MAP4: variants seen among roughly 807,000 people sequenced by gnomAD.
The protein encoded by MAP4 is microtubule-associated protein 4.
In MAP4, 76 loss-of-function variants were observed where a neutral mutation model predicts 170.2. The ratio of observed to expected loss-of-function variants is 0.45; its 90% CI spans 0.37 to 0.54. The LOEUF (loss-of-function observed/expected upper bound fraction) is 0.54. Among genes scored for constraint, MAP4 ranks in the 20% least tolerant of loss-of-function variants. The probability of loss-of-function intolerance (pLI) is 0.00; values close to 1 mark genes in which losing one functional copy is unlikely to be tolerated. For synonymous variants in MAP4, 909 were observed against 994.5 expected (o/e 0.91, Z 1.62); for missense variants, 2,506 against 2,748.0 (o/e 0.91, Z 1.97).
At chr3:47,991,825 C>T (rs1243308249) in intron 2 of MAP4, among the ~76,000 whole-genome samples, 4 of 152,028 alleles carry the variant, frequency 2.6e-5, no homozygotes, top group African/African-American at 7.3e-5. Context: ...CCCACCACCA[C>T]GCCCAGCTAA....
intron 1 of MAP4, among the ~76,000 whole-genome samples, chr3:48,047,431 A>C (rs545660258): frequency 6.6e-6 from 1 of 152,212 alleles, no homozygotes; most frequent in South Asian, 2.1e-4. Flanking sequence ...GGGTAGAGCA[A>C]GCAGAGCAAA....
chr3:47,889,294 T>TC (rs746526572), intron 10 of MAP4, among the ~76,000 whole-genome samples: 7 of 152,248 alleles, frequency 4.6e-5, no homozygotes, highest in African/African-American at 7.2e-5. Flanking sequence ...CTTCATATCT[T>TC]TGTTTAATAT....
chr3:47,886,984 T>G (rs1426648138), intron 10 of MAP4, among the ~76,000 whole-genome samples: 21 of 152,250 alleles, frequency 1.4e-4, no homozygotes, highest in Non-Finnish European at 8.8e-5. Context: ...CTACTTTATC[T>G]GCTATCATAG....
At chr3:47,928,826 TAA>T (rs753530332) in intron 3 of MAP4, among the ~76,000 whole-genome samples, 10 of 132,264 alleles carry the variant, frequency 7.6e-5, no homozygotes, top group African/African-American at 8.4e-5. Flanking sequence ...GAGCTGGAAT[TAA>T]AAAAAAAAAA....
At chr3:47,928,685 G>A (rs1043478792) in intron 3 of MAP4, among the ~76,000 whole-genome samples, 1 of 151,800 alleles carries the variant, frequency 6.6e-6, no homozygotes, top group African/African-American at 2.4e-5. Flanking sequence ...TTAGATAGAA[G>A]GAAATAAAGT....
intron 9 of MAP4, among the ~76,000 whole-genome samples, chr3:47,903,723 A>G (rs1483046443): frequency 6.6e-6 from 1 of 152,202 alleles, no homozygotes; most frequent in Admixed American, 6.5e-5. Context: ...AGACTTTGGC[A>G]ATATATTCAC....
chr3:47,983,822 T>C (rs1223796103), intron 2 of MAP4, among the ~76,000 whole-genome samples: 1 of 152,304 alleles, frequency 6.6e-6, no homozygotes, highest in East Asian at 1.9e-4. Context: ...ATCAGCCTCG[T>C]CCACTGAGCT....
chr3:47,879,454 T>C (rs1394730795), intron 10 of MAP4, among the ~76,000 whole-genome samples: 1 of 152,168 alleles, frequency 6.6e-6, no homozygotes, highest in African/African-American at 2.4e-5. Context: ...TACAGATTCA[T>C]AGGAAGTTGC....
rs554946949 is a variant in MAP4 at position 47,915,021 on chromosome 3, G to A, written c.1877-82C>T. 1.2e-3 allele frequency: 1,842 copies of A among 1,555,056 alleles called. 1 individual carries two copies. The highest frequency in any genetic ancestry group is 1.5e-3 in the Non-Finnish European group (1,679 of 1,132,310). On this transcript the variant is annotated intron_variant, in intron 7 of 20. Coordinates refer to ENST00000683076, the MANE Select transcript of MAP4 (RefSeq NM_001385682.1). ...TCCATCTGCCAGAAATTGGATATGG[G>A]ATTAGTTTCTGAGGAGTTCTCCTAC...
intron 3 of MAP4, among the ~76,000 whole-genome samples, chr3:47,934,707 GT>G (rs986222531): frequency 1.3e-5 from 2 of 151,910 alleles, no homozygotes; most frequent in East Asian, 1.9e-4. Flanking sequence ...TTGTTTTTTT[GT>G]TTTTTTCCCC....
At chr3:48,025,173 G>A (rs2100112381) in intron 1 of MAP4, among the ~76,000 whole-genome samples, 1 of 151,860 alleles carries the variant, frequency 6.6e-6, no homozygotes. Context: ...ATAAGATTGT[G>A]GATATCTGAA....
intron 1 of MAP4, among the ~76,000 whole-genome samples, chr3:48,000,732 C>T (rs944518540): frequency 6.6e-6 from 1 of 152,178 alleles, no homozygotes; most frequent in African/African-American, 2.4e-5. Flanking sequence ...AGAATCTCAA[C>T]TAATACACAG....
rs552941107 is a variant in MAP4 at position 47,864,620 on chromosome 3, T to C, written c.6501+2626A>G. Among the ~76,000 whole-genome samples, 6 of 152,272 alleles carry C rather than the reference T, an allele frequency of 3.9e-5. No individual in the cohort carries two copies. The South Asian group carries it at 1.2e-3, about 32-fold the overall frequency. ...TCAATCCGGGAGGCGGAGCTTGCAGTGAGCCGAGATCGCACCACTGCACTC... is the reference window on the plus strand; with the variant it reads ...TCAATCCGGGAGGCGGAGCTTGCAGCGAGCCGAGATCGCACCACTGCACTC... On this transcript the variant is annotated intron_variant, in intron 17 of 20. Transcript: ENST00000683076.
chr3:47,874,858 C>G (rs1007249339), intron 12 of MAP4, among the ~76,000 whole-genome samples: 1 of 150,994 alleles, frequency 6.6e-6, no homozygotes, highest in African/African-American at 2.5e-5. Flanking sequence ...AAATTAAAAA[C>G]TGACATTTTA....
intron 3 of MAP4, among the ~76,000 whole-genome samples, chr3:47,956,114 C>T (rs1313675601): frequency 2.0e-5 from 3 of 152,056 alleles, no homozygotes; most frequent in African/African-American, 7.2e-5. Context: ...TAGATGTTAT[C>T]CAACCTATGT....
chr3:48,027,955 A>G (rs993887618), intron 1 of MAP4, among the ~76,000 whole-genome samples: 1 of 152,236 alleles, frequency 6.6e-6, no homozygotes, highest in African/African-American at 2.4e-5. Context: ...TATCTGCAGC[A>G]TAAGTTCTTA....
chr3:48,005,292 C>A (rs1193166935), intron 1 of MAP4, among the ~76,000 whole-genome samples: 1 of 151,770 alleles, frequency 6.6e-6, no homozygotes, highest in African/African-American at 2.4e-5. Flanking sequence ...ACCCGGGAGG[C>A]GGAGGTTGCA....
chr3:47,870,784 T>G (rs200090514), intron 15 of MAP4, 29 bp downstream of exon 15: 8 of 1,518,542 alleles, frequency 5.3e-6, no homozygotes, highest in Middle Eastern at 2.2e-4. Flanking sequence ...GGGGCCAGCA[T>G]GCCAGGACCC....
At chr3:47,924,499 C>A (rs1252889187) in intron 4 of MAP4, among the ~76,000 whole-genome samples, 1 of 152,098 alleles carries the variant, frequency 6.6e-6, no homozygotes, top group Non-Finnish European at 1.5e-5. Flanking sequence ...ACCTTGGAGT[C>A]ATCCTGGACC....
Sources: allele counts gnomAD v4.1 joint callset (sites outside exome capture counted in the v4.1 genomes callset), GRCh38; gene constraint gnomAD v4.1.1; transcripts MANE v1.5; gene names NCBI Gene and HGNC (gene_info 2026-07-23, HGNC 2026-07-21).